RIMBP2: variants seen among roughly 807,000 people sequenced by gnomAD.
RIMBP2 encodes the protein RIMS-binding protein 2.
RIMBP2 carries 48 observed loss-of-function variants against 118.6 expected under a neutral mutation model. The ratio of observed to expected loss-of-function variants is 0.40; its 90% CI spans 0.32 to 0.51. The LOEUF is 0.51. Ranked by LOEUF, RIMBP2 falls within the 20% of genes least tolerant of loss-of-function variation. The pLI is 0.41. For synonymous variants in RIMBP2, 762 were observed against 742.9 expected (o/e 1.03, Z -0.42); for missense variants, 1,551 against 1,768.3 (o/e 0.88, Z 2.20).
At chr12:130,560,105 G>A (rs1425207727) in intron 2 of RIMBP2, among the ~76,000 whole-genome samples, 1 of 152,176 alleles carries the variant, frequency 6.6e-6, no homozygotes, top group Non-Finnish European at 1.5e-5. Flanking sequence ...TTTAATCTGA[G>A]ATCTGGGAAT....
intron 4 of RIMBP2, among the ~76,000 whole-genome samples, chr12:130,487,340 T>C (rs2082575251): frequency 6.6e-6 from 1 of 152,156 alleles, no homozygotes; most frequent in Non-Finnish European, 1.5e-5. Context: ...ATAGCCCTCA[T>C]GAATAGCTTG....
At chr12:130,522,872 G>T (rs1030141707) in intron 2 of RIMBP2, among the ~76,000 whole-genome samples, 5 of 152,188 alleles carry the variant, frequency 3.3e-5, no homozygotes, top group East Asian at 1.9e-4. Flanking sequence ...GGTAAGGAAG[G>T]TTACATGAGG....
chr12:130,685,766 G>C (rs2065010475), intron 1 of RIMBP2, among the ~76,000 whole-genome samples: 1 of 152,164 alleles, frequency 6.6e-6, no homozygotes, highest in African/African-American at 2.4e-5. Flanking sequence ...GAGATTCACA[G>C]ATGCCCTGCT....
intron 17 of RIMBP2, among the ~76,000 whole-genome samples, chr12:130,417,326 A>G (rs1264290911): frequency 1.3e-5 from 2 of 152,266 alleles, no homozygotes; most frequent in Admixed American, 6.5e-5. Context: ...TAGCAGGGAC[A>G]TGGAATCAAC....
chr12:130,699,904 TAAAAAAAAAAAAAAA>T (rs33963621), intron 1 of RIMBP2, among the ~76,000 whole-genome samples: 1 of 85,676 alleles, frequency 1.2e-5, no homozygotes, highest in Non-Finnish European at 2.4e-5. Context: ...GACTCTGTCT[TAAAAAAAAAAAAAAA>T]AAAAAAAAAA....
Position 130,578,156 on chromosome 12 carries a change from A to G in RIMBP2, c.-217+50166T>C, listed in dbSNP as rs766935911. Among the ~76,000 whole-genome samples, 4 of 152,216 alleles carry G rather than the reference A, an allele frequency of 2.6e-5. No homozygotes were observed. Among genetic ancestry groups the G allele is most frequent in the Non-Finnish European group, 5.9e-5 (4 of 68,044 alleles). On this transcript the variant is annotated intron_variant, in intron 2 of 22. Transcript: ENST00000690449. The surrounding 1 kb of genome is among the most constrained non-coding windows in gnomAD (Gnocchi z 4.1). ...CAGGATTCAGAGATTCCAGGAAAGTAAAGGTAGTGCAGGCTTGGAAGCTGA... is the reference window on the plus strand; with the variant it reads ...CAGGATTCAGAGATTCCAGGAAAGTGAAGGTAGTGCAGGCTTGGAAGCTGA...
At chr12:130,544,057 T>C (rs1327498159) in intron 2 of RIMBP2, among the ~76,000 whole-genome samples, 2 of 152,228 alleles carry the variant, frequency 1.3e-5, no homozygotes, top group Admixed American at 6.5e-5. Context: ...TGGAGAATCT[T>C]ACATAGCCTG....
At chr12:130,664,446 C>CA in intron 1 of RIMBP2, among the ~76,000 whole-genome samples, 1 of 73,238 alleles carries the variant, frequency 1.4e-5, no homozygotes, top group East Asian at 3.6e-4. Flanking sequence ...CACGCACACA[C>CA]GCACACACAT....
At chr12:130,488,182 C>A (rs547433102) in intron 4 of RIMBP2, among the ~76,000 whole-genome samples, 68 of 152,208 alleles carry the variant, frequency 4.5e-4, no homozygotes, top group African/African-American at 1.5e-3. Flanking sequence ...TTCACCAAAC[C>A]CACAGTCAAA....
At chr12:130,478,520 T>C (rs1263249144) in intron 5 of RIMBP2, among the ~76,000 whole-genome samples, 1 of 152,176 alleles carries the variant, frequency 6.6e-6, no homozygotes, top group East Asian at 1.9e-4. Context: ...GTTCCTGTAC[T>C]CCTTGCAGGG....
rs929121200 is a variant in RIMBP2, at chr12:130,433,734, G to A, written c.2253+1000C>T. Reference sequence around the variant, plus strand: ...CCTTCTTGGGGTGTTCTCATAGGACGGTGTGATTATTGGAGCTATGGCAGC... The same window carrying A: ...CCTTCTTGGGGTGTTCTCATAGGACAGTGTGATTATTGGAGCTATGGCAGC... On this transcript the variant is annotated intron_variant, in intron 14 of 22. Coordinates refer to ENST00000690449, the MANE Select transcript of RIMBP2 (RefSeq NM_001393629.1). 3.2e-4 allele frequency among the ~76,000 whole-genome samples: 49 copies of A among 152,122 alleles called. 1 individual carries two copies. The highest frequency in any genetic ancestry group is 1.9e-4 in the East Asian group (1 of 5,180).
intron 4 of RIMBP2, among the ~76,000 whole-genome samples, chr12:130,497,031 G>A (rs548175129): frequency 1.1e-4 from 16 of 152,244 alleles, no homozygotes; most frequent in African/African-American, 3.6e-4. Flanking sequence ...TCCCCATCTT[G>A]CCAGGCTCCT....
chr12:130,604,400 G>A lies in RIMBP2; in HGVS notation c.-217+23922C>T, dbSNP rs961857038. Among the ~76,000 whole-genome samples the A allele has an allele frequency of 1.5e-4, 22 of 148,360 alleles. No individual in the cohort carries two copies. The East Asian group carries it at 2.0e-3, about 14-fold the overall frequency. ...AATCATGTTTTAGGCTACTCAGTGC[G>A]GCCCGAGTGTTCAGTGTCCATAAAG... On this transcript the variant is annotated intron_variant, in intron 2 of 22. Coordinates refer to ENST00000690449, the MANE Select transcript of RIMBP2 (RefSeq NM_001393629.1).
chr12:130,412,485 G>T, intron 19 of RIMBP2, 134 bp downstream of exon 19: 3 of 851,392 alleles, frequency 3.5e-6, no homozygotes, highest in Non-Finnish European at 3.6e-6. Flanking sequence ...AAAATCACTG[G>T]TCAACATTTA....
intron 20 of RIMBP2, 52 bp from the exon 21 acceptor site, chr12:130,406,295 G>A: frequency 7.9e-7 from 1 of 1,260,472 alleles, no homozygotes; most frequent in Non-Finnish European, 1.1e-6. Flanking sequence ...AACAGTAGTA[G>A]TTTTTTAAAA....
intron 2 of RIMBP2, among the ~76,000 whole-genome samples, chr12:130,538,115 C>A (rs2054236118): frequency 6.6e-6 from 1 of 152,108 alleles, no homozygotes; most frequent in African/African-American, 2.4e-5. Context: ...GGAGATGATC[C>A]AAGATGGCAG....
At chr12:130,444,826 A>C (rs1437978607) in intron 10 of RIMBP2, among the ~76,000 whole-genome samples, 1 of 152,214 alleles carries the variant, frequency 6.6e-6, no homozygotes, top group African/African-American at 2.4e-5. Flanking sequence ...GTGCTGAAAG[A>C]CAAGAGCAGG....
At chr12:130,530,037 C>T (rs1276361333) in intron 2 of RIMBP2, among the ~76,000 whole-genome samples, 1 of 152,154 alleles carries the variant, frequency 6.6e-6, no homozygotes, top group African/African-American at 2.4e-5. Context: ...AAGAGACAAA[C>T]CTATATCCCA....
intron 2 of RIMBP2, among the ~76,000 whole-genome samples, chr12:130,543,700 C>T (rs2054822525): frequency 6.6e-6 from 1 of 150,994 alleles, no homozygotes; most frequent in African/African-American, 2.4e-5. Flanking sequence ...CGAGACAGCA[C>T]AATGACACCA....
Sources: allele counts gnomAD v4.1 joint callset (sites outside exome capture counted in the v4.1 genomes callset), GRCh38; gene constraint gnomAD v4.1.1; non-coding constraint Gnocchi (gnomAD v3.1); transcripts MANE v1.5; gene names NCBI Gene and HGNC (gene_info 2026-07-23, HGNC 2026-07-21).